RBMS2: variants seen among roughly 807,000 people sequenced by gnomAD.
RBMS2 encodes RNA binding motif single stranded interacting protein 2, also known as RNA-binding motif, single-stranded-interacting protein 2.
In RBMS2, 38 loss-of-function variants were observed where a neutral mutation model predicts 58.4. The ratio of observed to expected loss-of-function variants is 0.65; its 90% confidence interval spans 0.50 to 0.85. The LOEUF (loss-of-function observed/expected upper bound fraction) is 0.85. Ranked by LOEUF, RBMS2 falls within the 40% of genes least tolerant of loss-of-function variation. RBMS2 has a pLI of 0.00. For missense variants in RBMS2, 367 were observed against 503.7 expected (o/e 0.73, Z 2.60); for synonymous variants, 151 against 180.7 (o/e 0.84, Z 1.32).
intron 1 of RBMS2, among the ~76,000 whole-genome samples, chr12:56,524,471 G>A (rs1445753008): frequency 6.6e-6 from 1 of 151,142 alleles, no homozygotes; most frequent in Non-Finnish European, 1.5e-5. Flanking sequence ...AGGCTGGAGT[G>A]CAGTGGTGTG....
chr12:56,544,942 G>A (rs1876888321), intron 1 of RBMS2, among the ~76,000 whole-genome samples: 1 of 151,394 alleles, frequency 6.6e-6, no homozygotes, highest in Non-Finnish European at 1.5e-5. Flanking sequence ...TAGTTTTTGG[G>A]GTACAGGTGG....
chr12:56,538,143 C>A (rs763373071), intron 1 of RBMS2, among the ~76,000 whole-genome samples: 124 of 152,040 alleles, frequency 8.2e-4, no homozygotes, highest in Non-Finnish European at 1.6e-3. Flanking sequence ...AGTGACTCTC[C>A]TGCCTCAGCC....
At position 56,577,722 on chromosome 12, in the gene RBMS2, G is replaced by T. The variant is rs190790436; in HGVS notation, c.543-3462G>T. 4.2e-3 allele frequency among the ~76,000 whole-genome samples: 644 copies of T among 151,656 alleles called. 9 individuals are homozygous for T. The highest frequency in any genetic ancestry group is 0.015 in the African/African-American group (622 of 41,332). On this transcript the variant is annotated intron_variant, in intron 5 of 13. Transcript: ENST00000262031. ...TTTGGAGATGGAGTTTCACTCTGTC[G>T]CCCAGGCTGGAGTGCAGTGCTGCAA...
At chr12:56,538,452 A>G (rs539980436) in intron 1 of RBMS2, among the ~76,000 whole-genome samples, 1 of 135,626 alleles carries the variant, frequency 7.4e-6, no homozygotes, top group Non-Finnish European at 1.6e-5. Context: ...GATTGCTTTG[A>G]GTAGTACTGA....
intron 9 of RBMS2, 60 bp from the exon 10 acceptor site, chr12:56,586,789 G>T: frequency 7.2e-7 from 1 of 1,395,304 alleles, no homozygotes; most frequent in South Asian, 1.2e-5. Flanking sequence ...AACATTATTA[G>T]ATCTGTGGGC....
At chr12:56,571,422 G>A (rs907673535) in intron 4 of RBMS2, among the ~76,000 whole-genome samples, 1 of 152,192 alleles carries the variant, frequency 6.6e-6, no homozygotes, top group Non-Finnish European at 1.5e-5. Flanking sequence ...GAGCGGGAAT[G>A]CTGCTCTGCC....
chr12:56,586,399 A>G lies in RBMS2; in HGVS notation c.874-450A>G, dbSNP rs199753436. Among the ~76,000 whole-genome samples, 4 of 152,120 alleles carry G rather than the reference A, an allele frequency of 2.6e-5. No homozygotes were observed. The East Asian group carries it at 7.7e-4, about 29-fold the overall frequency. On this transcript the variant is annotated intron_variant, in intron 9 of 13. Transcript: ENST00000262031. ...CCCGCTACTGCACTCCAGCCTGGGC[A>G]ACAGAGCAAGACTCTGTCTCAAAAA...
At chr12:56,583,273 C>T (rs1884226473) in intron 9 of RBMS2, among the ~76,000 whole-genome samples, 1 of 152,200 alleles carries the variant, frequency 6.6e-6, no homozygotes, top group African/African-American at 2.4e-5. Flanking sequence ...TTGCTTTCCA[C>T]AAAGGCTGTG....
intron 2 of RBMS2, among the ~76,000 whole-genome samples, chr12:56,567,951 G>C (rs904601085): frequency 7.9e-5 from 12 of 152,056 alleles, no homozygotes; most frequent in Non-Finnish European, 1.6e-4. Flanking sequence ...TTAAAGTTGA[G>C]GTTCCTTGAA....
At chr12:56,547,182 C>A (rs1329613267) in intron 1 of RBMS2, among the ~76,000 whole-genome samples, 1 of 151,840 alleles carries the variant, frequency 6.6e-6, no homozygotes, top group Non-Finnish European at 1.5e-5. Context: ...GAAACCCCAT[C>A]TCTGCTAAAA....
chr12:56,553,697 G>A (rs1478993878), intron 1 of RBMS2, among the ~76,000 whole-genome samples: 1 of 151,636 alleles, frequency 6.6e-6, no homozygotes, highest in East Asian at 2.0e-4. Context: ...AAACTCCTGG[G>A]CTCAAGTGAT....
chr12:56,578,879 G>A (rs1366818690), intron 5 of RBMS2, among the ~76,000 whole-genome samples: 3 of 152,046 alleles, frequency 2.0e-5, no homozygotes, highest in Non-Finnish European at 2.9e-5. Context: ...TAGGAGAATC[G>A]TTTGAACCTG....
At chr12:56,581,604 G>A (rs989759963) in intron 7 of RBMS2, 96 bp downstream of exon 7, 4 of 1,317,538 alleles carry the variant, frequency 3.0e-6, no homozygotes, top group Non-Finnish European at 4.3e-6. Flanking sequence ...TGGAAAGCTT[G>A]AGAGCTACAG....
chr12:56,560,240 T>C (rs1476229456), intron 1 of RBMS2, among the ~76,000 whole-genome samples: 2 of 149,666 alleles, frequency 1.3e-5, no homozygotes, highest in Non-Finnish European at 3.0e-5. Context: ...ATGAAATATA[T>C]ATTTATCACA....
chr12:56,558,165 AG>A (rs1879622956), intron 1 of RBMS2, among the ~76,000 whole-genome samples: 1 of 130,912 alleles, frequency 7.6e-6, no homozygotes, highest in African/African-American at 2.9e-5. Context: ...CTCCTGCCCC[AG>A]CCTCCCGAGA....
rs1229574414 is a variant in RBMS2 at position 56,590,538 on chromosome 12, T to C, written c.*1405T>C. On this transcript the variant is annotated 3_prime_UTR_variant, in exon 14 of 14. Coordinates refer to ENST00000262031, the MANE Select transcript of RBMS2 (RefSeq NM_002898.4). ...TTGCCAAGACTGGGAAACACTGATA[T>C]AGACAGTGTTGTCCCTGCCTCCTGG... 1 of 152,186 alleles carries C rather than the reference T, an allele frequency of 6.6e-6. No individual in the cohort carries two copies. Among genetic ancestry groups the C allele is most frequent in the Non-Finnish European group, 1.5e-5 (1 of 68,080 alleles). The allele number at this position is 152,186 out of a possible 1,614,324, so 9.4% of individuals were successfully genotyped here. A position where few individuals can be genotyped will look rare whatever the true frequency, so the allele number is the denominator to read the frequency against.
intron 5 of RBMS2, among the ~76,000 whole-genome samples, chr12:56,573,350 T>C (rs931530350): frequency 6.7e-6 from 1 of 150,300 alleles, no homozygotes; most frequent in African/African-American, 2.4e-5. Flanking sequence ...GGTGGCGGGC[T>C]CCTGTAGTCC....
intron 1 of RBMS2, chr12:56,528,044 T>C (rs1473854575): frequency 6.6e-6 from 1 of 151,932 alleles, no homozygotes; most frequent in Non-Finnish European, 1.5e-5. Flanking sequence ...GACCTAGGAG[T>C]TCCAGACCAG....
Position 56,564,616 on chromosome 12 carries a change from G to A in RBMS2, c.233+2033G>A, listed in dbSNP as rs150169817. Among the ~76,000 whole-genome samples the A allele has an allele frequency of 3.4e-3, 522 of 152,182 alleles. 3 individuals are homozygous for A. Among genetic ancestry groups the A allele is most frequent in the African/African-American group, 0.012 (503 of 41,516 alleles). On this transcript the variant is annotated intron_variant, in intron 2 of 13. Transcript: ENST00000262031. ...TGCGCTCAATCATTCCTCCTGCCTC[G>A]GCCTCCCCAAAAGCTGGGATTACAG...
Sources: allele counts gnomAD v4.1 joint callset (sites outside exome capture counted in the v4.1 genomes callset), GRCh38; gene constraint gnomAD v4.1.1; transcripts MANE v1.5; gene names NCBI Gene and HGNC (gene_info 2026-07-23, HGNC 2026-07-21).